NCKAP5: variants seen among roughly 807,000 people sequenced by gnomAD.
NCKAP5 encodes the protein nck-associated protein 5.
In NCKAP5, 92 loss-of-function variants were observed where a neutral mutation model predicts 167.0. That is an observed-to-expected ratio of 0.55 (90% CI 0.47 to 0.66). NCKAP5 has a LOEUF of 0.66. NCKAP5 is among the 30% of genes least tolerant of loss of function. The probability of loss-of-function intolerance (pLI) is 0.00; values close to 1 mark genes in which losing one functional copy is unlikely to be tolerated. For synonymous variants in NCKAP5, 891 were observed against 877.4 expected, an observed-to-expected ratio of 1.02 and a Z score of -0.27; for missense variants, 2,378 against 2,315.0, an observed-to-expected ratio of 1.03 and a Z score of -0.56.
chr2:132,968,156 A>G (rs1384643507), intron 7 of NCKAP5, among the ~76,000 whole-genome samples: 1 of 152,186 alleles, frequency 6.6e-6, no homozygotes, highest in African/African-American at 2.4e-5. Flanking sequence ...AGGCATAGGA[A>G]GAAGTTTGGA....
chr2:133,439,623 A>G (rs1038745645), intron 3 of NCKAP5, among the ~76,000 whole-genome samples: 3 of 152,214 alleles, frequency 2.0e-5, no homozygotes, highest in African/African-American at 4.8e-5. Context: ...ATATACATAC[A>G]TGGAAATAAT....
Position 132,833,684 on chromosome 2 carries a change from T to C in NCKAP5, c.807+26808A>G, listed in dbSNP as rs111830315. Among the ~76,000 whole-genome samples the C allele has an allele frequency of 2.2e-3, 336 of 152,264 alleles. 2 individuals are homozygous for C. Among genetic ancestry groups the C allele is most frequent in the African/African-American group, 7.6e-3 (315 of 41,556 alleles). The stretch of plus-strand genomic sequence containing the variant: ...ATCTGTTGGCTGTAAATAATGTGTG[T>C]TTATTTCTGAGTTCTCTATTCTGTT... On this transcript the variant is annotated intron_variant, in intron 11 of 19. Transcript: ENST00000409261.
At chr2:132,910,255 G>C (rs1044095281) in intron 8 of NCKAP5, among the ~76,000 whole-genome samples, 1 of 152,066 alleles carries the variant, frequency 6.6e-6, no homozygotes, top group Non-Finnish European at 1.5e-5. Flanking sequence ...GTGTTACAAA[G>C]AATCCAATTA....
chr2:133,399,410 C>G (rs1303032383), intron 3 of NCKAP5, among the ~76,000 whole-genome samples: 2 of 150,492 alleles, frequency 1.3e-5, no homozygotes, highest in African/African-American at 2.4e-5. Context: ...AAACATAAAA[C>G]AGCTGTCATT....
intron 8 of NCKAP5, among the ~76,000 whole-genome samples, chr2:132,934,918 C>T (rs912553135): frequency 6.6e-6 from 1 of 152,190 alleles, no homozygotes; most frequent in Non-Finnish European, 1.5e-5. Context: ...TACTGATTCC[C>T]TCTTCACAGG....
intron 2 of NCKAP5, among the ~76,000 whole-genome samples, chr2:133,518,548 G>T (rs1232204904): frequency 6.6e-6 from 1 of 151,668 alleles, no homozygotes; most frequent in Non-Finnish European, 1.5e-5. Context: ...TAGAGACAGG[G>T]TTTCACCGTG....
At chr2:133,198,852 C>G (rs1056467680) in intron 5 of NCKAP5, among the ~76,000 whole-genome samples, 2 of 151,956 alleles carry the variant, frequency 1.3e-5, no homozygotes, top group Non-Finnish European at 2.9e-5. Flanking sequence ...GAACAAAGTT[C>G]TTTTTTTAAA....
chr2:133,209,806 G>A lies in NCKAP5; in HGVS notation c.207+3910C>T, dbSNP rs796646962. ...TTAATGCTAGGGGAAACAGAGTAAA[G>A]GGTAGGCAGGTGTGTAACTTTTCTG... On this transcript the variant is annotated intron_variant, in intron 5 of 19. Coordinates refer to ENST00000409261, the MANE Select transcript of NCKAP5 (RefSeq NM_207363.3). Among the ~76,000 whole-genome samples, 71 of 152,172 alleles carry A rather than the reference G, an allele frequency of 4.7e-4. 3 individuals are homozygous for A. The highest frequency in any genetic ancestry group is 1.6e-3 in the African/African-American group (67 of 41,516).
chr2:133,161,656 G>A (rs1296563414), intron 5 of NCKAP5, among the ~76,000 whole-genome samples: 1 of 152,076 alleles, frequency 6.6e-6, no homozygotes, highest in African/African-American at 2.4e-5. Flanking sequence ...CCCTTAGGTG[G>A]TCATGCTTTC....
chr2:132,748,692 A>C (rs796978584), intron 16 of NCKAP5, among the ~76,000 whole-genome samples: 36 of 152,158 alleles, frequency 2.4e-4, no homozygotes, highest in African/African-American at 8.4e-4. Context: ...GGATATATTT[A>C]TATTCTAGTT....
intron 4 of NCKAP5, among the ~76,000 whole-genome samples, chr2:133,254,313 A>G (rs930473850): frequency 6.6e-6 from 1 of 152,036 alleles, no homozygotes; most frequent in African/African-American, 2.4e-5. Flanking sequence ...GATGATATGG[A>G]GGGAAAAAGA....
the NCKAP5 span, among the ~76,000 whole-genome samples, chr2:133,647,124 G>A: frequency 6.6e-6 from 1 of 152,014 alleles, no homozygotes; most frequent in Non-Finnish European, 1.5e-5. Context: ...GATTGCTAAG[G>A]CCAGAAGCTC....
At chr2:133,483,884 A>G (rs1680681028) in intron 3 of NCKAP5, among the ~76,000 whole-genome samples, 1 of 152,224 alleles carries the variant, frequency 6.6e-6, no homozygotes, top group Non-Finnish European at 1.5e-5. Flanking sequence ...CCTGATATTC[A>G]GCCAGGTTTG....
Position 132,995,807 on chromosome 2 carries a change from T to C in NCKAP5, c.342-1568A>G, listed in dbSNP as rs368151806. ...CTGGCCAACATAATGAAAACCCATC[T>C]TTACTAAAAATACAAAAATTAGCCG... On this transcript the variant is annotated intron_variant, in intron 6 of 19. Coordinates refer to ENST00000409261, the MANE Select transcript of NCKAP5 (RefSeq NM_207363.3). Among the ~76,000 whole-genome samples the C allele has an allele frequency of 6.4e-4, 97 of 152,088 alleles. 1 individual carries two copies. The highest frequency in any genetic ancestry group is 3.4e-3 in the Middle Eastern group (1 of 294).
intron 15 of NCKAP5, among the ~76,000 whole-genome samples, chr2:132,776,439 T>C (rs1018790455): frequency 1.3e-5 from 2 of 152,192 alleles, no homozygotes; most frequent in African/African-American, 4.8e-5. Context: ...CCTTATGTGC[T>C]TAACCGCAAA....
chr2:133,014,825 T>C (rs967685344), intron 6 of NCKAP5, among the ~76,000 whole-genome samples: 2 of 152,352 alleles, frequency 1.3e-5, no homozygotes, highest in African/African-American at 2.4e-5. Context: ...TTCCCATGTA[T>C]AATGTTTTCC....
intron 6 of NCKAP5, among the ~76,000 whole-genome samples, chr2:133,083,958 G>C (rs2080897970): frequency 6.6e-6 from 1 of 152,130 alleles, no homozygotes. Context: ...GAGTTCAGAG[G>C]ATCTTGTGTA....
intron 16 of NCKAP5, among the ~76,000 whole-genome samples, chr2:132,769,851 C>T (rs1681868367): frequency 6.6e-6 from 1 of 152,148 alleles, no homozygotes; most frequent in Admixed American, 6.5e-5. Flanking sequence ...AGGTAAATGA[C>T]TAGAGTGCTG....
At chr2:132,765,631 A>C (rs1681408564) in intron 16 of NCKAP5, among the ~76,000 whole-genome samples, 1 of 152,156 alleles carries the variant, frequency 6.6e-6, no homozygotes, top group Non-Finnish European at 1.5e-5. Flanking sequence ...AAGAATTTGC[A>C]TGTGTTCTCT....
Sources: gnomAD v4.1 joint callset for allele counts (sites outside exome capture counted in the v4.1 genomes callset) on GRCh38, gnomAD v4.1.1 for gene constraint, MANE v1.5 for transcripts, NCBI Gene and HGNC (gene_info 2026-07-23, HGNC 2026-07-21) for gene names.